The following SDCCAG8 variants were observed in gnomAD, a reference collection of about 807,000 sequenced individuals.
SDCCAG8 encodes serologically defined colon cancer antigen 8.
A neutral mutation model predicts 101.8 loss-of-function variants in SDCCAG8; 74 were observed. That is an observed-to-expected ratio of 0.73 (90% CI 0.60 to 0.88). The LOEUF is 0.88. SDCCAG8 is among the 40% of genes least tolerant of loss of function. SDCCAG8 has a pLI of 0.00. For synonymous variants in SDCCAG8, 281 were observed against 292.9 expected (o/e 0.96, Z 0.41); for missense variants, 787 against 822.6 (o/e 0.96, Z 0.53).
chr1:243,318,932 T>C (rs1471546534), intron 9 of SDCCAG8, among the ~76,000 whole-genome samples: 2 of 152,142 alleles, frequency 1.3e-5, no homozygotes, highest in Non-Finnish European at 2.9e-5. Context: ...AGAGCAGAGA[T>C]TGGTAATTTA....
At chr1:243,492,058 G>A (rs1666561911) in intron 17 of SDCCAG8, among the ~76,000 whole-genome samples, 1 of 152,030 alleles carries the variant, frequency 6.6e-6, no homozygotes, top group Non-Finnish European at 1.5e-5. Context: ...GGCTCAGGCT[G>A]GCCTGTGGCC....
chr1:243,481,916 G>A (rs779991268), intron 16 of SDCCAG8, among the ~76,000 whole-genome samples: 31 of 152,228 alleles, frequency 2.0e-4, no homozygotes, highest in South Asian at 4.1e-4. Flanking sequence ...AAGGATATAG[G>A]CCCCCTCTGG....
At chr1:243,304,849 G>A in intron 7 of SDCCAG8, 72 bp downstream of exon 7, 1 of 937,012 alleles carries the variant, frequency 1.1e-6, no homozygotes. Context: ...AATGTTTGCT[G>A]AACTTCTAGT....
At chr1:243,339,430 T>G (rs2075253423) in intron 10 of SDCCAG8, among the ~76,000 whole-genome samples, 1 of 152,176 alleles carries the variant, frequency 6.6e-6, no homozygotes, top group Non-Finnish European at 1.5e-5. Flanking sequence ...AATTTTAAAT[T>G]GAAATGAAAT....
intron 1 of SDCCAG8, among the ~76,000 whole-genome samples, chr1:243,268,356 A>G (rs2067803078): frequency 6.6e-6 from 1 of 152,138 alleles, no homozygotes; most frequent in African/African-American, 2.4e-5. Context: ...CTATTTTCTA[A>G]TACTAAGTTA....
Position 243,417,949 on chromosome 1 carries a change from G to T in SDCCAG8, c.1745-19G>T. Reference sequence around the variant, plus strand: ...ACCATAAACATCTTATGTTGGTGGGGGTTTATTGTTATTTCTAGAAAATGA... The same window carrying T: ...ACCATAAACATCTTATGTTGGTGGGTGTTTATTGTTATTTCTAGAAAATGA... On this transcript the variant is annotated intron_variant, in intron 14 of 17. Coordinates refer to ENST00000366541, the MANE Select transcript of SDCCAG8 (RefSeq NM_006642.5). 6.5e-7 allele frequency: 1 copy of T among 1,532,250 alleles called. No homozygotes were observed. Among genetic ancestry groups the T allele is most frequent in the South Asian group, 1.1e-5 (1 of 89,370 alleles). The allele number at this position is 1,532,250 out of a possible 1,614,324, so 94.9% of individuals were successfully genotyped here. A position where few individuals can be genotyped will look rare whatever the true frequency, so the allele number is the denominator to read the frequency against.
At chr1:243,493,242 A>C in intron 17 of SDCCAG8, among the ~76,000 whole-genome samples, 1 of 20,234 alleles carries the variant, frequency 4.9e-5, no homozygotes. Context: ...GGGGAGGGGG[A>C]TTCGGGGTGA....
At chr1:243,372,723 A>G (rs930861860) in intron 12 of SDCCAG8, among the ~76,000 whole-genome samples, 1 of 151,610 alleles carries the variant, frequency 6.6e-6, no homozygotes, top group South Asian at 2.1e-4. Context: ...GGACAGGCAT[A>G]GTGGCTAATG....
At chr1:243,409,614 C>T (rs1488681904) in intron 13 of SDCCAG8, among the ~76,000 whole-genome samples, 1 of 152,130 alleles carries the variant, frequency 6.6e-6, no homozygotes, top group Non-Finnish European at 1.5e-5. Flanking sequence ...GAGCCTGCAA[C>T]ATTTTGTGGA....
Position 243,344,311 on chromosome 1 carries a change from G to T in SDCCAG8, c.1453G>T (p.Asp485Tyr). 6.2e-7 allele frequency: 1 copy of T among 1,612,880 alleles called. No individual in the cohort carries two copies. The highest frequency in any genetic ancestry group is 8.5e-7 in the Non-Finnish European group (1 of 1,178,948). Residue 485 changes from aspartate to tyrosine, a missense_variant, in exon 12 of 18, where the codon GAT becomes TAT. Coordinates refer to ENST00000366541, the MANE Select transcript of SDCCAG8 (RefSeq NM_006642.5). The stretch of plus-strand genomic sequence containing the variant: ...AGAGTTCAGAGCAAAAACTAACAGG[G>T]ATCTTGAAATTAAAGATCAGGTAAG... Reference protein sequence around the residue: ...HREFRAKTNRDLEIKDQEIEK... With the variant: ...HREFRAKTNRYLEIKDQEIEK...
At chr1:243,417,198 T>A (rs973443809) in intron 14 of SDCCAG8, among the ~76,000 whole-genome samples, 2 of 152,186 alleles carry the variant, frequency 1.3e-5, no homozygotes, top group Non-Finnish European at 2.9e-5. Context: ...AAGTTTTTCC[T>A]CTAAAAACAA....
At chr1:243,435,694 C>G (rs963370288) in intron 16 of SDCCAG8, among the ~76,000 whole-genome samples, 2 of 151,984 alleles carry the variant, frequency 1.3e-5, no homozygotes, top group Admixed American at 1.3e-4. Context: ...TGGACCACGA[C>G]TTGGGATATG....
intron 6 of SDCCAG8, among the ~76,000 whole-genome samples, chr1:243,296,533 C>CTCTTT: frequency 3.6e-5 from 1 of 27,912 alleles, no homozygotes; most frequent in Admixed American, 5.0e-4. Context: ...ACCCCAACTG[C>CTCTTT]TCTTTTTTTT....
intron 16 of SDCCAG8, among the ~76,000 whole-genome samples, chr1:243,432,286 A>C (rs989389409): frequency 8.8e-6 from 1 of 113,526 alleles, no homozygotes; most frequent in African/African-American, 3.3e-5. Flanking sequence ...GGAACAAAAA[A>C]CCAGATACCG....
At position 243,259,193 on chromosome 1, in the gene SDCCAG8, G is replaced by A. The variant is rs552735492; in HGVS notation, c.67+2953G>A. 2.0e-3 allele frequency among the ~76,000 whole-genome samples: 309 copies of A among 151,902 alleles called. 1 individual carries two copies. Among genetic ancestry groups the A allele is most frequent in the South Asian group, 4.8e-3 (23 of 4,810 alleles). On this transcript the variant is annotated intron_variant, in intron 1 of 17. Transcript: ENST00000366541. ...GGGCGGGCGGATCACGAGGTCAGGA[G>A]ATGGGAGACCAGCCTGGCTAACACG...
rs183782236 is a variant in SDCCAG8 at position 243,297,424 on chromosome 1, C to T, written c.675+4205C>T. ...TGTTGGTGTGTATGACACAAATTTA[C>T]GTTGCATATGTATGTTGGAGTGGAA... On this transcript the variant is annotated intron_variant, in intron 6 of 17. Coordinates refer to ENST00000366541, the MANE Select transcript of SDCCAG8 (RefSeq NM_006642.5). Among the ~76,000 whole-genome samples, 169 of 152,286 alleles carry T rather than the reference C, an allele frequency of 1.1e-3. 1 individual carries two copies. The highest frequency in any genetic ancestry group is 1.8e-3 in the Non-Finnish European group (122 of 68,018).
Position 243,271,002 on chromosome 1 carries a change from G to T in SDCCAG8, c.245G>T (p.Arg82Leu), listed in dbSNP as rs577345357. The T allele has an allele frequency of 3.1e-6, 5 of 1,613,206 alleles. No individual in the cohort carries two copies. Among genetic ancestry groups the T allele is most frequent in the Admixed American group, 1.7e-5 (1 of 59,964 alleles). Residue 82 changes from arginine (R) to leucine (L), a missense_variant, in exon 3 of 18, where the codon CGC (arginine) becomes CTC (leucine). Coordinates refer to ENST00000366541, the MANE Select transcript of SDCCAG8 (RefSeq NM_006642.5). Reference protein sequence around the residue: ...HAVNQLKDLLRQQADKESEVS... With the variant: ...HAVNQLKDLLLQQADKESEVS... ...GTTAATCAGCTCAAAGATTTGTTGC[G>T]CCAACAAGCAGATAAGGAAAGTGAA...
intron 8 of SDCCAG8, among the ~76,000 whole-genome samples, chr1:243,312,662 C>T (rs918527223): frequency 6.0e-5 from 9 of 149,828 alleles, no homozygotes; most frequent in African/African-American, 2.0e-4. Context: ...GCCAAGATTG[C>T]GCCACTGCAC....
At chr1:243,496,605 T>C (rs969698157) in intron 17 of SDCCAG8, among the ~76,000 whole-genome samples, 4 of 152,136 alleles carry the variant, frequency 2.6e-5, no homozygotes, top group Non-Finnish European at 5.9e-5. Context: ...ACGGAGACAG[T>C]GAAGTGCGAA....
Sources: gnomAD v4.1 joint callset for allele counts (sites outside exome capture counted in the v4.1 genomes callset) on GRCh38, gnomAD v4.1.1 for gene constraint, MANE v1.5 for transcripts, NCBI Gene and HGNC (gene_info 2026-07-23, HGNC 2026-07-21) for gene names.